The following C4orf50 variants were observed in gnomAD, a reference collection of about 807,000 sequenced individuals.
The protein encoded by C4orf50 is uncharacterized protein C4orf50.
Under a neutral mutation model 77.2 loss-of-function variants are expected in C4orf50, and 80 were observed. The observed-to-expected ratio is 1.04, with a 90% CI of 0.87 to 1.25. C4orf50 has a LOEUF of 1.25. Among genes scored for constraint, C4orf50 ranks in the 50% most tolerant of loss-of-function variants. The pLI is 0.00. For synonymous variants in C4orf50, 532 were observed against 465.3 expected (o/e 1.14, Z -1.84); for missense variants, 1,257 against 1,152.9 (o/e 1.09, Z -1.31).
intron 29 of C4orf50, among the ~76,000 whole-genome samples, chr4:5,976,456 G>A (rs1435925304): frequency 3.8e-5 from 3 of 78,450 alleles, no homozygotes; most frequent in Non-Finnish European, 4.9e-5. Flanking sequence ...GCTCTGTCTC[G>A]GAAAAAAAAA....
At chr4:5,971,586 G>A (rs966185985) in intron 31 of C4orf50, among the ~76,000 whole-genome samples, 14 of 152,262 alleles carry the variant, frequency 9.2e-5, no homozygotes, top group Non-Finnish European at 1.3e-4. Context: ...GAATCCGTCC[G>A]ATGACATTAT....
chr4:6,001,386 G>A (rs1422154087), intron 25 of C4orf50, among the ~76,000 whole-genome samples: 1 of 152,210 alleles, frequency 6.6e-6, no homozygotes, highest in Non-Finnish European at 1.5e-5. Flanking sequence ...TCAGGAGTTC[G>A]TGTTCCATGA....
intron 7 of C4orf50, chr4:5,904,306 A>G (rs528802796): frequency 6.6e-6 from 1 of 152,444 alleles, no homozygotes; most frequent in African/African-American, 2.4e-5. Flanking sequence ...AAGCACAGCA[A>G]CTGGGCCGTG....
chr4:5,973,697 C>T, exon 31 of C4orf50: 1 of 1,613,928 alleles, frequency 6.2e-7, no homozygotes, highest in Non-Finnish European at 8.5e-7. Context: ...GCCGTGTACT[C>T]AGCCAGTGCC....
At position 5,916,263 on chromosome 4, in the gene C4orf50, G is replaced by T. The variant is rs1172962427; in HGVS notation, c.*2475-18075C>A. Among the ~76,000 whole-genome samples, 1 of 152,226 alleles carries T rather than the reference G, an allele frequency of 6.6e-6. No individual in the cohort carries two copies. The highest frequency in any genetic ancestry group is 1.5e-5 in the Non-Finnish European group (1 of 68,040). On this transcript the variant is annotated intron_variant, in intron 7 of 7. Coordinates refer to the C4orf50 transcript ENST00000324058. This position sits in a 1 kb window ranked among gnomAD's most constrained non-coding sequence, Gnocchi z 4.4. ...TTACTCTGGGGGGCCCATGCACAGA[G>T]AATCATAGTTTCAGAATGAAGAATT...
chr4:5,989,214 G>A, exon 28 of C4orf50: 2 of 1,536,000 alleles, frequency 1.3e-6, no homozygotes, highest in Non-Finnish European at 1.7e-6. Context: ...GAAGTTTGGT[G>A]TTGTCATGTA....
At chr4:6,001,330 A>C (rs1044433424) in intron 25 of C4orf50, among the ~76,000 whole-genome samples, 9 of 152,134 alleles carry the variant, frequency 5.9e-5, no homozygotes, top group African/African-American at 2.2e-4. Flanking sequence ...TTGTATTTTT[A>C]GTAGAGACAG....
At chr4:5,915,062 C>A (rs981622236) in intron 7 of C4orf50, among the ~76,000 whole-genome samples, 1 of 152,170 alleles carries the variant, frequency 6.6e-6, no homozygotes, top group Non-Finnish European at 1.5e-5. Context: ...ACAGGACAGG[C>A]ACCGCAAATG....
rs976147749 is a variant in C4orf50 at position 6,009,814 on chromosome 4, G to A, written c.427-1282C>T. 2.0e-5 allele frequency among the ~76,000 whole-genome samples: 3 copies of A among 152,268 alleles called. No homozygotes were observed. The highest frequency in any genetic ancestry group is 7.2e-5 in the African/African-American group (3 of 41,550). ...GAGAGATTTAGGGTTAGAGGGTTGG[G>A]GGCTGGGTGGCAGCTGGGCCAAGGG... On this transcript the variant is annotated intron_variant, in intron 24 of 33. Transcript: ENST00000531445. The surrounding 1 kb of genome is among the most constrained non-coding windows in gnomAD (Gnocchi z 5.6).
chr4:5,954,814 G>A (rs146361829), downstream of C4orf50, among the ~76,000 whole-genome samples: 347 of 152,264 alleles, frequency 2.3e-3, 2 homozygotes, highest in African/African-American at 7.9e-3. This position sits in a 1 kb window ranked among gnomAD's most constrained non-coding sequence, Gnocchi z 4.7. Flanking sequence ...CAAGGGAAAG[G>A]CTGTTCCAGA....
chr4:5,955,959 G>A (rs145267647), downstream of C4orf50, among the ~76,000 whole-genome samples: 206 of 152,318 alleles, frequency 1.4e-3, 1 homozygote, highest in African/African-American at 4.8e-3. This position sits in a 1 kb window ranked among gnomAD's most constrained non-coding sequence, Gnocchi z 5.1. Context: ...CAAAGAGGGC[G>A]AGGAGTGGAG....
downstream of C4orf50, among the ~76,000 whole-genome samples, chr4:5,952,780 G>A (rs1718784543): frequency 6.6e-6 from 1 of 152,166 alleles, no homozygotes; most frequent in Admixed American, 6.5e-5. The surrounding 1 kb of genome is among the most constrained non-coding windows in gnomAD (Gnocchi z 4.4). Flanking sequence ...GGAGAGGAAG[G>A]AGCGTGCTCA....
At chr4:5,947,535 C>T (rs1718535325) in intron 7 of C4orf50, among the ~76,000 whole-genome samples, 1 of 151,376 alleles carries the variant, frequency 6.6e-6, no homozygotes, top group African/African-American at 2.4e-5. Context: ...GTGCAGAATG[C>T]AAGCTCAAGC....
chr4:6,004,714 A>G (rs372861050), intron 25 of C4orf50, among the ~76,000 whole-genome samples: 9,496 of 131,106 alleles, frequency 0.072, 464 homozygotes, highest in Non-Finnish European at 0.1. Context: ...GATGGTGGTG[A>G]TGATGTGATG....
chr4:5,978,998 C>T (rs1245402111), intron 29 of C4orf50, among the ~76,000 whole-genome samples: 1 of 152,172 alleles, frequency 6.6e-6, no homozygotes, highest in Non-Finnish European at 1.5e-5. Flanking sequence ...TACCGTAATG[C>T]TGAGGCTGTA....
chr4:5,926,834 G>A (rs1423212567), intron 7 of C4orf50, among the ~76,000 whole-genome samples: 2 of 152,188 alleles, frequency 1.3e-5, no homozygotes, highest in African/African-American at 2.4e-5. Flanking sequence ...ACTCTGGCCC[G>A]AGGGGGAACC....
exon 28 of C4orf50, chr4:5,988,502 A>G (rs1721008624): frequency 6.5e-7 from 1 of 1,541,602 alleles, no homozygotes; most frequent in Non-Finnish European, 8.7e-7. Context: ...CAGACCAGCG[A>G]TGGAGGGGGA....
intron 7 of C4orf50, among the ~76,000 whole-genome samples, chr4:5,907,498 C>T (rs903296748): frequency 3.3e-5 from 5 of 152,076 alleles, no homozygotes; most frequent in Non-Finnish European, 5.9e-5. Context: ...TTAATGATCA[C>T]AATATTTGCA....
intron 28 of C4orf50, among the ~76,000 whole-genome samples, chr4:5,982,909 G>A (rs1486991972): frequency 6.6e-6 from 1 of 152,174 alleles, no homozygotes; most frequent in Non-Finnish European, 1.5e-5. Flanking sequence ...AGCATGGAGT[G>A]TGGAGGCTGG....
Sources: gnomAD v4.1 joint callset for allele counts (sites outside exome capture counted in the v4.1 genomes callset) on GRCh38, gnomAD v4.1.1 for gene constraint, Gnocchi (gnomAD v3.1) non-coding constraint, MANE v1.5 for transcripts, NCBI Gene and HGNC (gene_info 2026-07-23, HGNC 2026-07-21) for gene names.